AP3B1: variants seen among roughly 807,000 people sequenced by gnomAD.
The protein encoded by AP3B1 is AP-3 complex subunit beta-1.
In AP3B1, 61 loss-of-function variants were observed where a neutral mutation model predicts 132.5. That is an observed-to-expected ratio of 0.46 (90% confidence interval 0.37 to 0.57). The LOEUF (loss-of-function observed/expected upper bound fraction) is 0.57. AP3B1 is among the 20% of genes least tolerant of loss of function. The probability of loss-of-function intolerance (pLI) is 0.00; values close to 1 mark genes in which losing one functional copy is unlikely to be tolerated. For synonymous variants in AP3B1, 388 were observed against 438.3 expected, an observed-to-expected ratio of 0.89 and a Z score of 1.43; for missense variants, 1,120 against 1,289.4, an observed-to-expected ratio of 0.87 and a Z score of 2.01.
chr5:78,169,804 C>T (rs920238856), intron 11 of AP3B1, among the ~76,000 whole-genome samples: 6 of 151,750 alleles, frequency 4.0e-5, no homozygotes, highest in Non-Finnish European at 5.9e-5. Context: ...ATGTGCACAA[C>T]GTGCAGGTTT....
intron 11 of AP3B1, among the ~76,000 whole-genome samples, chr5:78,167,628 T>C (rs202019131): frequency 0.032 from 4,619 of 145,436 alleles, 130 homozygotes; most frequent in East Asian, 0.13. Flanking sequence ...ACATGTTATA[T>C]ATATACACAC....
At chr5:78,187,605 T>C (rs1395817348) in intron 7 of AP3B1, among the ~76,000 whole-genome samples, 1 of 152,002 alleles carries the variant, frequency 6.6e-6, no homozygotes, top group Admixed American at 6.6e-5. Flanking sequence ...GATGGAAAAA[T>C]ATTCCATGCT....
chr5:78,043,967 G>A, intron 22 of AP3B1: 1 of 309,782 alleles, frequency 3.2e-6, no homozygotes, highest in Non-Finnish European at 6.4e-6. Context: ...GGGTTTGTCA[G>A]GCTCTTACAG....
At chr5:78,138,601 T>C (rs1753010486) in intron 15 of AP3B1, among the ~76,000 whole-genome samples, 1 of 152,172 alleles carries the variant, frequency 6.6e-6, no homozygotes, top group South Asian at 2.1e-4. Flanking sequence ...TTAAAAACAA[T>C]GAGCTACATA....
chr5:78,267,145 A>G (rs1353544811), intron 2 of AP3B1, among the ~76,000 whole-genome samples: 2 of 152,004 alleles, frequency 1.3e-5, no homozygotes, highest in Non-Finnish European at 2.9e-5. Flanking sequence ...TGCTCAGAAC[A>G]TTTAGGCTGT....
chr5:78,243,555 C>A (rs1747236853), intron 2 of AP3B1, among the ~76,000 whole-genome samples: 1 of 151,322 alleles, frequency 6.6e-6, no homozygotes, highest in Admixed American at 6.7e-5. Context: ...GGTCAATAAA[C>A]AATAATAGTG....
At chr5:78,245,333 G>A (rs1241571933) in intron 2 of AP3B1, among the ~76,000 whole-genome samples, 1 of 152,222 alleles carries the variant, frequency 6.6e-6, no homozygotes, top group East Asian at 1.9e-4. Flanking sequence ...TCAGAGAGCA[G>A]CTAGTAGGAG....
At chr5:78,234,148 T>C (rs967299717) in intron 3 of AP3B1, among the ~76,000 whole-genome samples, 3 of 152,200 alleles carry the variant, frequency 2.0e-5, no homozygotes, top group South Asian at 2.1e-4. Context: ...TAGAACCCCA[T>C]CTCTATTATC....
At chr5:78,153,686 T>C (rs1742997481) in intron 14 of AP3B1, among the ~76,000 whole-genome samples, 2 of 152,166 alleles carry the variant, frequency 1.3e-5, no homozygotes, top group Non-Finnish European at 2.9e-5. Flanking sequence ...AGTGGTAGGA[T>C]TTAATTTCTT....
At chr5:78,157,693 G>A (rs1448831223) in intron 13 of AP3B1, among the ~76,000 whole-genome samples, 1 of 151,982 alleles carries the variant, frequency 6.6e-6, no homozygotes, top group African/African-American at 2.4e-5. Context: ...GAATTCCCCT[G>A]GCATACACTA....
At chr5:78,104,457 A>G (rs1751252331) in intron 20 of AP3B1, among the ~76,000 whole-genome samples, 1 of 152,146 alleles carries the variant, frequency 6.6e-6, no homozygotes, top group Admixed American at 6.5e-5. Flanking sequence ...ATTTTAGAGA[A>G]CTTAAAATAT....
intron 15 of AP3B1, among the ~76,000 whole-genome samples, chr5:78,139,806 A>C (rs761367175): frequency 2.0e-5 from 3 of 152,156 alleles, no homozygotes; most frequent in Non-Finnish European, 4.4e-5. Flanking sequence ...AGAAACAAAC[A>C]GGGATGGAAG....
intron 8 of AP3B1, among the ~76,000 whole-genome samples, chr5:78,179,181 T>C (rs1744269537): frequency 1.3e-5 from 2 of 152,220 alleles, no homozygotes; most frequent in Admixed American, 1.3e-4. Context: ...TATTAACGCA[T>C]ATACCTGGCT....
intron 2 of AP3B1, among the ~76,000 whole-genome samples, chr5:78,249,169 A>G (rs1747517491): frequency 6.6e-6 from 1 of 151,928 alleles, no homozygotes; most frequent in Non-Finnish European, 1.5e-5. Flanking sequence ...AGCCTGACCA[A>G]CATGGTGAAA....
intron 2 of AP3B1, among the ~76,000 whole-genome samples, chr5:78,266,707 T>C (rs1748337237): frequency 6.6e-6 from 1 of 152,118 alleles, no homozygotes; most frequent in African/African-American, 2.4e-5. Flanking sequence ...AAGGATAGTG[T>C]TAATAAGAAA....
At chr5:78,054,757 G>A (rs1425987790) in intron 22 of AP3B1, among the ~76,000 whole-genome samples, 4 of 152,114 alleles carry the variant, frequency 2.6e-5, no homozygotes, top group African/African-American at 7.2e-5. Flanking sequence ...TGAAGGATGC[G>A]GATGTCACCT....
intron 24 of AP3B1, among the ~76,000 whole-genome samples, chr5:78,025,980 T>G (rs955324465): frequency 1.3e-5 from 2 of 152,216 alleles, no homozygotes; most frequent in East Asian, 3.9e-4. Flanking sequence ...TTCATTTACA[T>G]GAGTGTTCTA....
At chr5:78,085,516 C>A (rs1017546901) in intron 22 of AP3B1, among the ~76,000 whole-genome samples, 2 of 152,100 alleles carry the variant, frequency 1.3e-5, no homozygotes, top group Non-Finnish European at 2.9e-5. Flanking sequence ...TTATCAGCAC[C>A]CCAGAAGCTA....
In AP3B1 at chr5:78,092,052, G is replaced by C. The variant is rs558011177; in HGVS notation, c.2471-2553C>G. 7.9e-5 allele frequency among the ~76,000 whole-genome samples: 12 copies of C among 152,284 alleles called. No homozygotes were observed. In the East Asian group the frequency reaches 2.3e-3, roughly 29 times the overall value. On this transcript the variant is annotated intron_variant, in intron 21 of 26. Coordinates refer to ENST00000255194, the MANE Select transcript of AP3B1 (RefSeq NM_003664.5). ...CTTCTTCTAACTTGGATCATAATAT[G>C]TTGCCTTCCCATGCAACACGTAACT...
Sources: gnomAD v4.1 joint callset for allele counts (sites outside exome capture counted in the v4.1 genomes callset) on GRCh38, gnomAD v4.1.1 for gene constraint, MANE v1.5 for transcripts, NCBI Gene and HGNC (gene_info 2026-07-23, HGNC 2026-07-21) for gene names.